The following GABRA2 variants were observed in gnomAD, a reference collection of about 807,000 sequenced individuals.
GABRA2 encodes gamma-aminobutyric acid type A receptor subunit alpha2, also known as gamma-aminobutyric acid receptor subunit alpha-2.
GABRA2 carries 16 observed loss-of-function variants against 48.7 expected under a neutral mutation model. That is an observed-to-expected ratio of 0.33 (90% CI 0.22 to 0.50). The LOEUF is 0.50. Among genes scored for constraint, GABRA2 ranks in the 20% least tolerant of loss-of-function variants. The pLI is 0.98. For missense variants in GABRA2, 275 were observed against 535.6 expected (o/e 0.51, Z 4.80); for synonymous variants, 185 against 184.5 (o/e 1.00, Z -0.02).
chr4:46,356,473 A>G (rs1365710200), intron 3 of GABRA2, among the ~76,000 whole-genome samples: 2 of 149,840 alleles, frequency 1.3e-5, no homozygotes, highest in Non-Finnish European at 3.0e-5. Flanking sequence ...ACAGCTTCCC[A>G]CATGTATAGT....
intron 6 of GABRA2, among the ~76,000 whole-genome samples, chr4:46,309,840 T>A (rs7654887): frequency 0.017 from 2,601 of 152,136 alleles, 75 homozygotes; most frequent in African/African-American, 0.058. Flanking sequence ...TCTTAGTTGA[T>A]GAAAAAGAAA....
chr4:46,252,829 C>T (rs922824891), intron 9 of GABRA2, among the ~76,000 whole-genome samples: 1 of 151,284 alleles, frequency 6.6e-6, no homozygotes, highest in Non-Finnish European at 1.5e-5. Context: ...GAGAAATTTC[C>T]TTAATGTTTT....
chr4:46,283,976 G>A (rs1039872187), intron 8 of GABRA2, among the ~76,000 whole-genome samples: 1 of 150,754 alleles, frequency 6.6e-6, no homozygotes, highest in African/African-American at 2.4e-5. Flanking sequence ...AGCCAGGATG[G>A]TCTCCATCTC....
At chr4:46,331,476 G>A (rs971980717) in intron 4 of GABRA2, among the ~76,000 whole-genome samples, 2 of 152,232 alleles carry the variant, frequency 1.3e-5, no homozygotes, top group African/African-American at 2.4e-5. Flanking sequence ...CTATAAAAAT[G>A]GAATACTTTT....
At chr4:46,259,693 C>T (rs1340997802) in intron 9 of GABRA2, among the ~76,000 whole-genome samples, 1 of 151,778 alleles carries the variant, frequency 6.6e-6, no homozygotes, top group Non-Finnish European at 1.5e-5. Flanking sequence ...TGACAGATAA[C>T]CGCATTTGCT....
intron 3 of GABRA2, among the ~76,000 whole-genome samples, chr4:46,349,529 A>G (rs534357946): frequency 3.9e-5 from 6 of 152,116 alleles, no homozygotes. Context: ...ATGCTAAAAA[A>G]CATAGGTTTT....
chr4:46,380,464 T>C (rs1216987336), intron 3 of GABRA2, among the ~76,000 whole-genome samples: 1 of 152,190 alleles, frequency 6.6e-6, no homozygotes, highest in African/African-American at 2.4e-5. Context: ...TCATTTCTAG[T>C]AGAAGTGGTA....
chr4:46,264,767 T>A (rs1457988132), intron 8 of GABRA2, among the ~76,000 whole-genome samples: 1 of 151,922 alleles, frequency 6.6e-6, no homozygotes, highest in Non-Finnish European at 1.5e-5. Flanking sequence ...TTGTTGTTAA[T>A]TCTTTGTATG....
chr4:46,347,265 A>G (rs1363371001), intron 3 of GABRA2, among the ~76,000 whole-genome samples: 1 of 151,998 alleles, frequency 6.6e-6, no homozygotes. Flanking sequence ...ATAAAATGAC[A>G]AAATATCTTG....
rs1713819957 is a variant in GABRA2 at position 46,246,938 on chromosome 4, C to A, written c.*3370G>T. On this transcript the variant is annotated 3_prime_UTR_variant, in exon 10 of 10. Transcript: ENST00000381620. ...AAGTACTTTGGTGCTCTTCTGGAAT[C>A]CATGATTATATCATGGCAGGGTTTG... Among the ~76,000 whole-genome samples, 1 of 150,936 alleles carries A rather than the reference C, an allele frequency of 6.6e-6. No homozygotes were observed. The highest frequency in any genetic ancestry group is 1.5e-5 in the Non-Finnish European group (1 of 67,362).
chr4:46,361,909 C>G (rs994613685), intron 3 of GABRA2, among the ~76,000 whole-genome samples: 2 of 152,132 alleles, frequency 1.3e-5, no homozygotes, highest in Non-Finnish European at 2.9e-5. Flanking sequence ...GCCTGTAGGC[C>G]CTTTGTTTTG....
chr4:46,353,431 C>G (rs980890844), intron 3 of GABRA2, among the ~76,000 whole-genome samples: 1 of 152,076 alleles, frequency 6.6e-6, no homozygotes, highest in Non-Finnish European at 1.5e-5. Context: ...CGTGCCATGG[C>G]TCTGCCCAGA....
intron 8 of GABRA2, among the ~76,000 whole-genome samples, chr4:46,264,571 T>G (rs901321588): frequency 6.6e-6 from 1 of 152,114 alleles, no homozygotes; most frequent in African/African-American, 2.4e-5. Context: ...AAAATGTGGC[T>G]GATTTTAGTT....
intron 4 of GABRA2, among the ~76,000 whole-genome samples, chr4:46,313,675 C>T (rs1347678427): frequency 1.3e-5 from 2 of 151,808 alleles, no homozygotes; most frequent in Non-Finnish European, 2.9e-5. Flanking sequence ...ATTGTGAATA[C>T]TGTTTACAAT....
chr4:46,377,304 G>A (rs937737169), intron 3 of GABRA2, among the ~76,000 whole-genome samples: 2 of 150,156 alleles, frequency 1.3e-5, no homozygotes, highest in South Asian at 4.2e-4. Flanking sequence ...GCCTCTTCCC[G>A]GCCGCCATCC....
intron 3 of GABRA2, among the ~76,000 whole-genome samples, chr4:46,372,007 A>G (rs1468254464): frequency 6.6e-6 from 1 of 152,178 alleles, no homozygotes; most frequent in Non-Finnish European, 1.5e-5. Flanking sequence ...GCTTGTTAGA[A>G]ATGCAGCATC....
At chr4:46,384,491 C>T (rs1717181562) in intron 3 of GABRA2, among the ~76,000 whole-genome samples, 1 of 152,150 alleles carries the variant, frequency 6.6e-6, no homozygotes, top group Admixed American at 6.5e-5. Flanking sequence ...CATAAGTCCT[C>T]AAACAGGTAG....
At chr4:46,277,813 T>C (rs1057179286) in intron 8 of GABRA2, among the ~76,000 whole-genome samples, 4 of 152,200 alleles carry the variant, frequency 2.6e-5, no homozygotes, top group Non-Finnish European at 5.9e-5. Flanking sequence ...CAGCTGCTGC[T>C]ATTCAGTCCC....
chr4:46,303,393 A>G (rs1269649014), intron 8 of GABRA2, 67 bp downstream of exon 8: 3 of 1,434,076 alleles, frequency 2.1e-6, no homozygotes, highest in Non-Finnish European at 2.9e-6. Context: ...GGATCAAGAG[A>G]GATAATGTTT....
Sources: allele counts gnomAD v4.1 joint callset (sites outside exome capture counted in the v4.1 genomes callset), GRCh38; gene constraint gnomAD v4.1.1; transcripts MANE v1.5; gene names NCBI Gene and HGNC (gene_info 2026-07-23, HGNC 2026-07-21).